The following COL7A1 variants were observed in gnomAD, a reference collection of about 807,000 sequenced individuals.
The protein encoded by COL7A1 is collagen alpha-1(VII) chain.
Under a neutral mutation model 456.2 loss-of-function variants are expected in COL7A1, and 296 were observed. The ratio of observed to expected loss-of-function variants is 0.65; its 90% CI spans 0.59 to 0.71. The LOEUF is 0.71. Among genes scored for constraint, COL7A1 ranks in the 30% least tolerant of loss-of-function variants. The pLI is 0.00. For missense variants in COL7A1, 3,441 were observed against 4,017.2 expected (o/e 0.86, Z 3.88); for synonymous variants, 1,464 against 1,525.9 (o/e 0.96, Z 0.95).
chr3:48,567,953 C>T lies in COL7A1; in HGVS notation c.7876-62G>A, dbSNP rs1575419564. 1.2e-6 allele frequency: 2 copies of T among 1,608,954 alleles called. No individual in the cohort carries two copies. The highest frequency in any genetic ancestry group is 2.2e-5 in the East Asian group (1 of 44,844). On this transcript the variant is annotated intron_variant, in intron 106 of 118. Transcript: ENST00000681320. This position sits in a 1 kb window ranked among gnomAD's most constrained non-coding sequence, Gnocchi z 4.3. ...ACACCTCACTCTGTGACCCCCTTCA[C>T]CCTGAAACTAACTCTCCAAACAGGC...
chr3:48,585,631 T>A lies in COL7A1; in HGVS notation c.3832-12A>T, dbSNP rs530519777. 1 of 1,613,824 alleles carries A rather than the reference T, an allele frequency of 6.2e-7. No individual in the cohort carries two copies. The highest frequency in any genetic ancestry group is 8.5e-7 in the Non-Finnish European group (1 of 1,180,002). The stretch of plus-strand genomic sequence containing the variant: ...GCACCGGTCCTGCCCTGAAAGAAGA[T>A]AGCAGTTAGGTGGGGATAAGCCAGT... On this transcript the variant is annotated splice_polypyrimidine_tract_variant and intron_variant, in intron 31 of 118. Coordinates refer to ENST00000681320, the MANE Select transcript of COL7A1 (RefSeq NM_000094.4). This position sits in a 1 kb window ranked among gnomAD's most constrained non-coding sequence, Gnocchi z 4.5.
Position 48,591,582 on chromosome 3 carries a change from C to T in COL7A1, c.1518G>A (p.Leu506=), listed in dbSNP as rs764816904. 1.9e-6 allele frequency: 3 copies of T among 1,613,682 alleles called. 1 individual carries two copies. In the South Asian group the frequency reaches 3.3e-5, roughly 18 times the overall value. The change falls in exon 13 of 119, where the codon CTG becomes CTA. Residue 506 remains leucine (L), a synonymous_variant. Transcript: ENST00000681320. This position sits in a 1 kb window ranked among gnomAD's most constrained non-coding sequence, Gnocchi z 7.0. ...GCAGGTCTGTTACAGGGCTCACAGG[C>T]AGCTCTGGTCCTGTTGGAGAGCACA... is the stretch of plus-strand genomic sequence containing the variant. The part of the protein sequence containing the change: ...PATVVPTGPE[L]PVSPVTDLQA...
Position 48,573,292 on chromosome 3 carries a change from T to C in COL7A1, c.6651+24A>G, listed in dbSNP as rs1377571181. The C allele has an allele frequency of 1.2e-6, 2 of 1,613,960 alleles. No individual in the cohort carries two copies. Among genetic ancestry groups the C allele is most frequent in the Admixed American group, 1.7e-5 (1 of 60,026 alleles). ...AACCCCACCCATCTCCCTATGACCC[T>C]AACCTGTGAGCTAGGCCACTCACCC... On this transcript the variant is annotated intron_variant, in intron 84 of 118. Coordinates refer to ENST00000681320, the MANE Select transcript of COL7A1 (RefSeq NM_000094.4). This position sits in a 1 kb window ranked among gnomAD's most constrained non-coding sequence, Gnocchi z 5.5.
At position 48,593,622 on chromosome 3, in the gene COL7A1, C is replaced by T. The variant is rs763402171; in HGVS notation, c.341G>A (p.Gly114Glu). Residue 114 changes from glycine to glutamate, a missense_variant, in exon 4 of 119, where the codon GGG becomes GAG. Gly to Glu is a moderately conservative substitution (Grantham distance 98, BLOSUM62 -2). Transcript: ENST00000681320. The surrounding 1 kb of genome is among the most constrained non-coding windows in gnomAD (Gnocchi z 4.4). ...TGCAGCCCCTGTGCGAGTGTTGCCC[C>T]CCTTGTAGCTAAGCTCACGGATGGC... ...IRAIRELSYK[G>E]GNTRTGAAIL... 5.0e-6 allele frequency: 8 copies of T among 1,614,078 alleles called. No homozygotes were observed. Among genetic ancestry groups the T allele is most frequent in the South Asian group, 1.1e-5 (1 of 91,086 alleles).
At position 48,582,695 on chromosome 3, in the gene COL7A1, C is replaced by T. The variant is rs762720564; in HGVS notation, c.4519-42G>A. The T allele has an allele frequency of 3.7e-5, 60 of 1,604,072 alleles. 1 individual carries two copies. The highest frequency in any genetic ancestry group is 7.7e-5 in the South Asian group (7 of 90,746). On this transcript the variant is annotated intron_variant, in intron 44 of 118. Coordinates refer to ENST00000681320, the MANE Select transcript of COL7A1 (RefSeq NM_000094.4). Reference sequence around the variant, plus strand: ...GAAGAGCTGTGCAGGTGGGTGGGGACGGGGGATATGGACAGACAGGGCTAG... The same window carrying T: ...GAAGAGCTGTGCAGGTGGGTGGGGATGGGGGATATGGACAGACAGGGCTAG...
chr3:48,574,133 GCA>G lies in COL7A1; in HGVS notation c.6501+127_6501+128del. The G allele has an allele frequency of 3.2e-6, 4 of 1,249,284 alleles. No individual in the cohort carries two copies. Among genetic ancestry groups the G allele is most frequent in the South Asian group, 1.2e-5 (1 of 82,754 alleles). The allele number at this position is 1,249,284 out of a possible 1,614,324, so 77.4% of individuals were successfully genotyped here. A position where few individuals can be genotyped will look rare whatever the true frequency, so the allele number is the denominator to read the frequency against. ...CACAGACACAGGCACACACAAGCAG[GCA>G]CACACAGAGAGGCACACAGACACAG... On this transcript the variant is annotated intron_variant, in intron 80 of 118. Transcript: ENST00000681320. This position sits in a 1 kb window ranked among gnomAD's most constrained non-coding sequence, Gnocchi z 5.0.
Position 48,579,087 on chromosome 3 carries a change from C to T in COL7A1, c.5388+110G>A. 3.2e-6 allele frequency: 5 copies of T among 1,555,692 alleles called. No homozygotes were observed. Among genetic ancestry groups the T allele is most frequent in the Middle Eastern group, 1.7e-4 (1 of 5,952 alleles). On this transcript the variant is annotated intron_variant, in intron 62 of 118. Coordinates refer to ENST00000681320, the MANE Select transcript of COL7A1 (RefSeq NM_000094.4). This position sits in a 1 kb window ranked among gnomAD's most constrained non-coding sequence, Gnocchi z 4.4. ...CTGGGAGAAGACACAGACAACAGGT[C>T]TCGCCCCAGAGCTCGTCAAGGCCAA...
chr3:48,587,994 G>A lies in COL7A1; in HGVS notation c.2711-55C>T. 1 of 1,531,830 alleles carries A rather than the reference G, an allele frequency of 6.5e-7. No homozygotes were observed. The highest frequency in any genetic ancestry group is 8.8e-7 in the Non-Finnish European group (1 of 1,132,792). 94.9% of individuals were successfully genotyped at this position (1,531,830 alleles called of 1,614,324 possible). On this transcript the variant is annotated intron_variant, in intron 21 of 118. Coordinates refer to ENST00000681320, the MANE Select transcript of COL7A1 (RefSeq NM_000094.4). This position sits in a 1 kb window ranked among gnomAD's most constrained non-coding sequence, Gnocchi z 6.1. ...AGCATGTGGGATAGTGACACCTGGG[G>A]GCATTAAAGGGCCTGCCCACTTCAC...
chr3:48,593,002 G>A lies in COL7A1; in HGVS notation c.683-64C>T, dbSNP rs553529544. 13 of 1,612,434 alleles carry A rather than the reference G, an allele frequency of 8.1e-6. No homozygotes were observed. In the Admixed American group the frequency reaches 1.3e-4, roughly 17 times the overall value. On this transcript the variant is annotated intron_variant, in intron 6 of 118. Coordinates refer to ENST00000681320, the MANE Select transcript of COL7A1 (RefSeq NM_000094.4). The surrounding 1 kb of genome is among the most constrained non-coding windows in gnomAD (Gnocchi z 4.4). ...GGGTGGGCATGTATGATGCAGAGTT[G>A]GGGTCGGGGTCAGGAGCACATAGGA...
Position 48,574,458 on chromosome 3 carries a change from C to G in COL7A1, c.6456+30G>C. The G allele has an allele frequency of 1.2e-6, 2 of 1,614,118 alleles. No homozygotes were observed. Among genetic ancestry groups the G allele is most frequent in the Non-Finnish European group, 1.7e-6 (2 of 1,180,004 alleles). On this transcript the variant is annotated intron_variant, in intron 79 of 118. Transcript: ENST00000681320. The surrounding 1 kb of genome is among the most constrained non-coding windows in gnomAD (Gnocchi z 5.0). Reference sequence around the variant, plus strand: ...AATACATGTGAGAGCCACCTTCTTGCACATGTGTGGCTGTTGGGCAAGGAC... The same window carrying G: ...AATACATGTGAGAGCCACCTTCTTGGACATGTGTGGCTGTTGGGCAAGGAC...
chr3:48,581,150 A>C lies in COL7A1; in HGVS notation c.4907T>G (p.Val1636Gly). The change falls in exon 53 of 119, where the codon GTT becomes GGT. Residue 1636 changes from valine (V) to glycine (G), a missense_variant. Physicochemically the swap from Val to Gly is moderately radical, Grantham distance 109. Around this residue, in one of 3 missense-constraint regions of COL7A1, gnomAD observed 2,084 missense variants for 2,501.3 expected, o/e 0.83. Transcript: ENST00000681320. This position sits in a 1 kb window ranked among gnomAD's most constrained non-coding sequence, Gnocchi z 5.8. ...AGGACCCTCGTCACCTTTCTCTCCA[A>C]CTTCACCCTGTGAAACATGAGAGTC... The part of the protein sequence containing the change: ...PVGPRGRDGE[V>G]GEKGDEGPPG... The C allele has an allele frequency of 6.2e-7, 1 of 1,613,816 alleles. No homozygotes were observed. The highest frequency in any genetic ancestry group is 8.5e-7 in the Non-Finnish European group (1 of 1,179,958).
In COL7A1 at chr3:48,575,548, G is replaced by A; in HGVS notation, c.5980-9C>T. Reference sequence around the variant, plus strand: ...GGAAAGCCGATGGGGCCCTGCAGGAGTGGAAGAGAGAATGCTGGTGGCTGT... The same window carrying A: ...GGAAAGCCGATGGGGCCCTGCAGGAATGGAAGAGAGAATGCTGGTGGCTGT... On this transcript the variant is annotated splice_polypyrimidine_tract_variant and intron_variant, in intron 73 of 118. Transcript: ENST00000681320. This position sits in a 1 kb window ranked among gnomAD's most constrained non-coding sequence, Gnocchi z 6.3. The A allele has an allele frequency of 6.2e-7, 1 of 1,612,730 alleles. No individual in the cohort carries two copies. The highest frequency in any genetic ancestry group is 8.5e-7 in the Non-Finnish European group (1 of 1,179,990).
In COL7A1 at chr3:48,564,272, T is replaced by G; in HGVS notation, c.*134A>C. Reference sequence around the variant, plus strand: ...GGAAGGCTAGACCCACGGGACCAAGTCACTGAAATAACGGACGTGCACACG... The same window carrying G: ...GGAAGGCTAGACCCACGGGACCAAGGCACTGAAATAACGGACGTGCACACG... On this transcript the variant is annotated 3_prime_UTR_variant, in exon 119 of 119. Coordinates refer to ENST00000681320, the MANE Select transcript of COL7A1 (RefSeq NM_000094.4). The surrounding 1 kb of genome is among the most constrained non-coding windows in gnomAD (Gnocchi z 6.0). The G allele has an allele frequency of 9.1e-7, 1 of 1,104,724 alleles. No individual in the cohort carries two copies. The highest frequency in any genetic ancestry group is 1.4e-6 in the Non-Finnish European group (1 of 733,746). 68.4% of individuals were successfully genotyped at this position (1,104,724 alleles called of 1,614,324 possible). A position where few individuals can be genotyped will look rare whatever the true frequency, so the allele number is the denominator to read the frequency against.
chr3:48,564,961 C>T lies in COL7A1; in HGVS notation c.8640G>A (p.Leu2880=). 6.2e-7 allele frequency: 1 copy of T among 1,614,180 alleles called. No homozygotes were observed. The highest frequency in any genetic ancestry group is 8.5e-7 in the Non-Finnish European group (1 of 1,180,016). ...WDSDDPCSLP[L]DEGSCTAYTL... is the part of the protein sequence containing the mutation. Reference sequence around the variant, plus strand: ...TGTAGGCAGTGCAGGAGCCCTCATCCAGTGGCAGGGAACAGGGGTCTGGGC... The same window carrying T: ...TGTAGGCAGTGCAGGAGCCCTCATCTAGTGGCAGGGAACAGGGGTCTGGGC... Residue 2880 remains leucine (L), a synonymous_variant, in exon 118 of 119, where the codon CTG becomes CTA. Coordinates refer to ENST00000681320, the MANE Select transcript of COL7A1 (RefSeq NM_000094.4). This position sits in a 1 kb window ranked among gnomAD's most constrained non-coding sequence, Gnocchi z 6.0.
In COL7A1 at chr3:48,594,537, G is replaced by C; in HGVS notation, c.97C>G (p.Arg33Gly). The change falls in exon 3 of 119, where the codon CGC becomes GGC. Residue 33 changes from arginine (R) to glycine (G), a missense_variant. Coordinates refer to ENST00000681320, the MANE Select transcript of COL7A1 (RefSeq NM_000094.4). The surrounding 1 kb of genome is among the most constrained non-coding windows in gnomAD (Gnocchi z 5.5). ...AQHRERVTCT[R>G]LYAADIVFLL... ...AACACAATGTCAGCGGCGTAAAGGC[G>C]CGTGCAGGTCACTGGGGCGGGCAGG... 1 of 1,601,534 alleles carries C rather than the reference G, an allele frequency of 6.2e-7. No individual in the cohort carries two copies. The highest frequency in any genetic ancestry group is 8.5e-7 in the Non-Finnish European group (1 of 1,175,682).
rs371099396 is a variant in COL7A1 at position 48,569,785 on chromosome 3, C to T, written c.7522-25G>A. ...CCTATTGGGCAAAAGAGTGTGAGTC[C>T]CGCCCAAACTGGGGAGGCCCCGCAC... is the stretch of plus-strand genomic sequence containing the variant. On this transcript the variant is annotated intron_variant, in intron 100 of 118. Coordinates refer to ENST00000681320, the MANE Select transcript of COL7A1 (RefSeq NM_000094.4). The surrounding 1 kb of genome is among the most constrained non-coding windows in gnomAD (Gnocchi z 4.9). 4.3e-6 allele frequency: 7 copies of T among 1,614,008 alleles called. No homozygotes were observed. In the African/African-American group the frequency reaches 9.3e-5, roughly 22 times the overall value.
chr3:48,569,986 G>A lies in COL7A1; in HGVS notation c.7486-71C>T. ...GAGGACGGAGGAGGATCAGGGGGAG[G>A]AGGGAAACAGTGGGGACCAGACAAA... On this transcript the variant is annotated intron_variant, in intron 99 of 118. Coordinates refer to ENST00000681320, the MANE Select transcript of COL7A1 (RefSeq NM_000094.4). This position sits in a 1 kb window ranked among gnomAD's most constrained non-coding sequence, Gnocchi z 4.9. 1 of 1,607,472 alleles carries A rather than the reference G, an allele frequency of 6.2e-7. No homozygotes were observed.
chr3:48,569,994 C>G lies in COL7A1; in HGVS notation c.7486-79G>C. ...AGGAGGATCAGGGGGAGGAGGGAAA[C>G]AGTGGGGACCAGACAAAGGGGACAG... On this transcript the variant is annotated intron_variant, in intron 99 of 118. Coordinates refer to ENST00000681320, the MANE Select transcript of COL7A1 (RefSeq NM_000094.4). This position sits in a 1 kb window ranked among gnomAD's most constrained non-coding sequence, Gnocchi z 4.9. The G allele has an allele frequency of 6.9e-6, 11 of 1,603,116 alleles. No individual in the cohort carries two copies. Among genetic ancestry groups the G allele is most frequent in the Non-Finnish European group, 9.4e-6 (11 of 1,171,552 alleles).
At chr3:48,589,790 T>A in intron 16 of COL7A1, 72 bp from the exon 17 acceptor site, 1 of 1,606,364 alleles carries the variant, frequency 6.2e-7, no homozygotes, top group Non-Finnish European at 8.5e-7. Context: ...TAGGGGAAGA[T>A]GATGGGAGTC....
Sources: allele counts gnomAD v4.1 joint callset, GRCh38; gene constraint gnomAD v4.1.1; regional missense constraint gnomAD v4.1.1; non-coding constraint Gnocchi (gnomAD v3.1); transcripts MANE v1.5; gene names NCBI Gene and HGNC (gene_info 2026-07-23, HGNC 2026-07-21).